SMG1: variants seen among roughly 807,000 people sequenced by gnomAD.
SMG1 encodes the protein serine/threonine-protein kinase SMG1.
A neutral mutation model predicts 419.9 loss-of-function variants in SMG1; 22 were observed. The observed-to-expected ratio is 0.05, with a 90% CI of 0.04 to 0.07. The LOEUF is 0.07. Among genes scored for constraint, SMG1 ranks in the 10% least tolerant of loss-of-function variants. The pLI, the probability that SMG1 is intolerant of heterozygous loss-of-function variation, is 1.00. For missense variants in SMG1, 3,185 were observed against 4,342.0 expected, an observed-to-expected ratio of 0.73 and a Z score of 7.49; for synonymous variants, 1,538 against 1,553.5, an observed-to-expected ratio of 0.99 and a Z score of 0.23.
chr16:18,899,417 C>T (rs9922946), intron 1 of SMG1, among the ~76,000 whole-genome samples: 13,510 of 152,044 alleles, frequency 0.089, 747 homozygotes, highest in African/African-American at 0.16. Flanking sequence ...TCAGAAATAC[C>T]TAAAAACTCC....
In SMG1 at chr16:18,842,257, T is replaced by C. The variant is rs746175723; in HGVS notation, c.6417A>G (p.Lys2139=). 1 of 1,613,752 alleles carries C rather than the reference T, an allele frequency of 6.2e-7. No individual in the cohort carries two copies. The highest frequency in any genetic ancestry group is 8.5e-7 in the Non-Finnish European group (1 of 1,179,840). Residue 2139 remains lysine (K), a synonymous_variant, in exon 40 of 63, where the codon AAA becomes AAG. Transcript: ENST00000446231. ...TCCCATCTGATCCAAGAAAGAGAAGTTTCTTTGGCTTGGTTTTAGTCGGTA... is the reference window on the plus strand; with the variant it reads ...TCCCATCTGATCCAAGAAAGAGAAGCTTCTTTGGCTTGGTTTTAGTCGGTA... ...TILPTKTKPK[K]LLFLGSDGKS...
intron 1 of SMG1, among the ~76,000 whole-genome samples, chr16:18,897,768 TGA>T (rs2037191474): frequency 6.6e-6 from 1 of 152,146 alleles, no homozygotes. Flanking sequence ...AGACTTCTCA[TGA>T]GTGTTACTCT....
chr16:18,857,969 C>G, intron 29 of SMG1: 1 of 356,422 alleles, frequency 2.8e-6, no homozygotes, highest in East Asian at 5.2e-5. Flanking sequence ...CTGACAGGGG[C>G]AAATGAGGAG....
chr16:18,817,350 A>C lies in SMG1; in HGVS notation c.10015T>G (p.Phe3339Val). ...ACTGAACTGTTAAACTGTGATGCAA[A>C]CGAACACATCTGCTGACATCGCTTG... is the stretch of plus-strand genomic sequence containing the variant. ...LIKRCQQMCS[F>V]ASQFNSSVSE... Residue 3339 changes from phenylalanine to valine, a missense_variant, in exon 57 of 63, where the codon TTT (phenylalanine) becomes GTT (valine). Physicochemically the swap from Phe to Val is conservative, Grantham distance 50 (BLOSUM62 -1). This residue lies in a region of SMG1 where 737 missense variants were observed against 846.6 expected (regional missense o/e 0.87). Transcript: ENST00000446231. The C allele has an allele frequency of 6.2e-7, 1 of 1,612,512 alleles. No individual in the cohort carries two copies. The highest frequency in any genetic ancestry group is 8.5e-7 in the Non-Finnish European group (1 of 1,179,242).
In SMG1 at chr16:18,839,882, T is replaced by C; in HGVS notation, c.6761A>G (p.Tyr2254Cys). The C allele has an allele frequency of 6.2e-7, 1 of 1,611,986 alleles. No homozygotes were observed. The highest frequency in any genetic ancestry group is 1.1e-5 in the South Asian group (1 of 90,784). ...GIVPRPSELY[Y>C]SKIGPALKTV... ...TTTCAAAGCAGGGCCAATTTTACTGTAATAAAGTTCACTAGGACGGGGTAC... is the reference window on the plus strand; with the variant it reads ...TTTCAAAGCAGGGCCAATTTTACTGCAATAAAGTTCACTAGGACGGGGTAC... The change falls in exon 42 of 63, where the codon TAC becomes TGC. Residue 2254 changes from tyrosine to cysteine, a missense_variant. Coordinates refer to ENST00000446231, the MANE Select transcript of SMG1 (RefSeq NM_015092.5).
In SMG1 at chr16:18,838,798, T is replaced by C. The variant is rs2033738662; in HGVS notation, c.6946-109A>G. The C allele has an allele frequency of 1.8e-5, 13 of 736,144 alleles. No individual in the cohort carries two copies. The East Asian group carries it at 3.3e-4, about 19-fold the overall frequency. The allele number at this position is 736,144 out of a possible 1,614,324, so 45.6% of individuals were successfully genotyped here. A position where few individuals can be genotyped will look rare whatever the true frequency, so the allele number is the denominator to read the frequency against. On this transcript the variant is annotated intron_variant, in intron 42 of 62. Transcript: ENST00000446231. Reference sequence around the variant, plus strand: ...AAAGCACCATTAACCTACTCCCTTATTTTAAAATAAATCAACAAATAAAAA... The same window carrying C: ...AAAGCACCATTAACCTACTCCCTTACTTTAAAATAAATCAACAAATAAAAA...
In SMG1 at chr16:18,863,700, C is replaced by T. The variant is rs763786508; in HGVS notation, c.3645G>A (p.Lys1215=). 1 of 1,593,964 alleles carries T rather than the reference C, an allele frequency of 6.3e-7. No individual in the cohort carries two copies. The highest frequency in any genetic ancestry group is 1.7e-5 in the Admixed American group (1 of 59,974). The change falls in exon 25 of 63, where the codon AAG becomes AAA. Residue 1215 remains lysine (K), a synonymous_variant. Transcript: ENST00000446231. ...GGTTGAGGGAAGTGCTACTGGTACT[C>T]TTTTTCAAGTCATGGATAGCGTTCT... ...EWQNAIHDLK[K]STSSTSLNLK...
Position 18,864,058 on chromosome 16 carries a change from A to G in SMG1, c.3437T>C (p.Val1146Ala). 1.9e-6 allele frequency: 3 copies of G among 1,550,018 alleles called. No homozygotes were observed. Among genetic ancestry groups the G allele is most frequent in the Non-Finnish European group, 8.7e-7 (1 of 1,146,946 alleles). The change falls in exon 24 of 63, where the codon GTG becomes GCG. Residue 1146 changes from valine (V) to alanine (A), a missense_variant. Around this residue, in one of 27 missense-constraint regions of SMG1, gnomAD observed 121 missense variants for 125.4 expected, o/e 0.96. Transcript: ENST00000446231. ...DCCISSFDKS[V>A]LTLANAGRNS... ...ACGCCCAGCATTGGCTAAGGTGAGC[A>G]CCGATTTGTCAAAGCTGGAGATGCA...
intron 10 of SMG1, among the ~76,000 whole-genome samples, chr16:18,881,872 G>A (rs1021768128): frequency 2.6e-5 from 4 of 151,964 alleles, no homozygotes; most frequent in Non-Finnish European, 4.4e-5. Context: ...TAATTTAAAA[G>A]TAAAATTATA....
At chr16:18,865,444 T>C (rs911611449) in intron 23 of SMG1, among the ~76,000 whole-genome samples, 3 of 152,130 alleles carry the variant, frequency 2.0e-5, no homozygotes, top group East Asian at 1.9e-4. Context: ...ATAAGACTTA[T>C]GGTTTGGCAG....
At position 18,867,621 on chromosome 16, in the gene SMG1, C is replaced by T. The variant is rs1388846142; in HGVS notation, c.3195+569G>A. 6.6e-5 allele frequency among the ~76,000 whole-genome samples: 10 copies of T among 150,672 alleles called. No individual in the cohort carries two copies. In the East Asian group the frequency reaches 1.7e-3, roughly 26 times the overall value. ...TACCTTTAAAGTTCTAAACTTTGCA[C>T]GTAAGAAATATAGTTTTAACGTGTT... On this transcript the variant is annotated intron_variant, in intron 22 of 62. Coordinates refer to ENST00000446231, the MANE Select transcript of SMG1 (RefSeq NM_015092.5).
intron 62 of SMG1, among the ~76,000 whole-genome samples, chr16:18,811,415 C>G (rs544493975): frequency 1.3e-5 from 2 of 152,240 alleles, no homozygotes; most frequent in African/African-American, 4.8e-5. Flanking sequence ...ATTAGGGATG[C>G]TCCACTCATA....
At chr16:18,810,319 G>A (rs1175535835) in intron 62 of SMG1, among the ~76,000 whole-genome samples, 11 of 152,052 alleles carry the variant, frequency 7.2e-5, no homozygotes, top group Admixed American at 7.2e-4. Context: ...TGAATGAATT[G>A]AATTATGAGG....
chr16:18,882,060 T>C (rs1487864543), intron 10 of SMG1, 105 bp downstream of exon 10: 4 of 758,896 alleles, frequency 5.3e-6, no homozygotes, highest in Non-Finnish European at 8.1e-6. Context: ...ACATACATGC[T>C]AAACAAATGA....
At chr16:18,850,873 C>G (rs1406072688) in intron 33 of SMG1, among the ~76,000 whole-genome samples, 1 of 152,110 alleles carries the variant, frequency 6.6e-6, no homozygotes, top group African/African-American at 2.4e-5. Context: ...CATGCCTCAG[C>G]CTCCTAAGTA....
intron 22 of SMG1, 25 bp from the exon 23 acceptor site, chr16:18,866,800 G>A: frequency 6.3e-7 from 1 of 1,589,172 alleles, no homozygotes; most frequent in Non-Finnish European, 8.5e-7. Context: ...AGAAAAATTA[G>A]TCACCCAATA....
At chr16:18,827,956 C>T in intron 55 of SMG1, 75 bp downstream of exon 55, 2 of 1,486,434 alleles carry the variant, frequency 1.3e-6, no homozygotes, top group Non-Finnish European at 1.8e-6. Context: ...CACTGAACAA[C>T]AGAGCACTAA....
At chr16:18,870,207 G>A (rs1215156629) in intron 18 of SMG1, among the ~76,000 whole-genome samples, 1 of 152,008 alleles carries the variant, frequency 6.6e-6, no homozygotes, top group Non-Finnish European at 1.5e-5. Flanking sequence ...AGGATTTGAG[G>A]GAGGCATATC....
At chr16:18,850,170 A>C (rs762162905) in intron 34 of SMG1, 44 bp from the exon 35 acceptor site, 1 of 1,595,792 alleles carries the variant, frequency 6.3e-7, no homozygotes, top group Non-Finnish European at 8.5e-7. Flanking sequence ...AATAACTCAG[A>C]ACACTACTTT....
Sources: gnomAD v4.1 joint callset for allele counts (sites outside exome capture counted in the v4.1 genomes callset) on GRCh38, gnomAD v4.1.1 for gene constraint, gnomAD v4.1.1 regional missense constraint, MANE v1.5 for transcripts, NCBI Gene and HGNC (gene_info 2026-07-23, HGNC 2026-07-21) for gene names.